CLDN16: variants seen among roughly 807,000 people sequenced by gnomAD.
The protein encoded by CLDN16 is claudin-16.
In CLDN16, 13 loss-of-function variants were observed where a neutral mutation model predicts 24.6. The ratio of observed to expected loss-of-function variants is 0.53; its 90% CI spans 0.34 to 0.84. The LOEUF is 0.84. Ranked by LOEUF, CLDN16 falls within the 40% of genes least tolerant of loss-of-function variation. The pLI is 0.01. For missense variants in CLDN16, 298 were observed against 292.7 expected (o/e 1.02, Z -0.13); for synonymous variants, 116 against 106.7 (o/e 1.09, Z -0.54).
intron 1 of CLDN16, among the ~76,000 whole-genome samples, chr3:190,366,984 C>T (rs1015070141): frequency 1.3e-5 from 2 of 151,914 alleles, no homozygotes; most frequent in Admixed American, 6.6e-5. Context: ...CCCAAAGCAG[C>T]ATGTGGGAGT....
chr3:190,322,429 A>C, upstream of CLDN16: 4 of 587,096 alleles, frequency 6.8e-6, no homozygotes, highest in Non-Finnish European at 1.2e-5. Context: ...GGTTGCTCCC[A>C]GGCTCGGGAA....
chr3:190,322,430 G>A (rs1469688598), upstream of CLDN16: 1 of 587,630 alleles, frequency 1.7e-6, no homozygotes, highest in Non-Finnish European at 3.0e-6. Flanking sequence ...GTTGCTCCCA[G>A]GCTCGGGAAC....
chr3:190,396,658 A>G (rs1718827810), intron 1 of CLDN16, among the ~76,000 whole-genome samples: 1 of 152,210 alleles, frequency 6.6e-6, no homozygotes, highest in South Asian at 2.1e-4. Context: ...ATATAGTTTG[A>G]AGAATAACAG....
At chr3:190,316,054 G>A in the CLDN16 span, among the ~76,000 whole-genome samples, 5 of 152,156 alleles carry the variant, frequency 3.3e-5, no homozygotes, top group Admixed American at 6.5e-5. Context: ...TCTACAAAGT[G>A]TTCTTTCCAA....
the CLDN16 span, chr3:190,308,163 A>G: frequency 8.1e-7 from 1 of 1,234,394 alleles, no homozygotes; most frequent in Non-Finnish European, 1.2e-6. Flanking sequence ...TTTGTTTTGT[A>G]ATACCATACT....
At chr3:190,330,126 A>C (rs1433621170) in intron 1 of CLDN16, among the ~76,000 whole-genome samples, 1 of 152,130 alleles carries the variant, frequency 6.6e-6, no homozygotes, top group Non-Finnish European at 1.5e-5. Flanking sequence ...AATGTTTCCA[A>C]AATTGAGAAT....
chr3:190,302,449 A>G, the CLDN16 span, among the ~76,000 whole-genome samples: 4 of 152,168 alleles, frequency 2.6e-5, no homozygotes, highest in Non-Finnish European at 5.9e-5. Flanking sequence ...TTATTGCAGA[A>G]AATATACTGC....
At chr3:190,344,039 C>A (rs116017042) in intron 1 of CLDN16, among the ~76,000 whole-genome samples, 5,949 of 152,014 alleles carry the variant, frequency 0.039, 388 homozygotes, top group African/African-American at 0.13. Context: ...CTGCAGCAAT[C>A]ATTTTACTAT....
At chr3:190,313,212 G>C in the CLDN16 span, 1 of 626,252 alleles carries the variant, frequency 1.6e-6, no homozygotes, top group South Asian at 2.0e-5. Context: ...ATCTTCTCCA[G>C]AAAAACAAAT....
intron 3 of CLDN16, among the ~76,000 whole-genome samples, chr3:190,376,867 G>T (rs1718259444): frequency 6.6e-6 from 1 of 151,916 alleles, no homozygotes. Flanking sequence ...TTTAAGAAAT[G>T]GCAATGCCTG....
At chr3:190,401,924 C>G (rs1304721292) in intron 1 of CLDN16, among the ~76,000 whole-genome samples, 4 of 151,884 alleles carry the variant, frequency 2.6e-5, no homozygotes, top group Admixed American at 6.6e-5. Flanking sequence ...TTAATAGACT[C>G]AAGGTGTCAA....
rs1717836088 is a variant in CLDN16 at position 190,359,086 on chromosome 3, A to G, written n.122-11807A>G. On this transcript the variant is annotated intron_variant and non_coding_transcript_variant, in intron 1 of 4. Transcript: ENST00000468220. Reference sequence around the variant, plus strand: ...TAATAAACTTTTCTTATAACACAGTATGATTTGTAATCAGGGCATTTGTTT... The same window carrying G: ...TAATAAACTTTTCTTATAACACAGTGTGATTTGTAATCAGGGCATTTGTTT... 2.0e-5 allele frequency among the ~76,000 whole-genome samples: 3 copies of G among 152,182 alleles called. No individual in the cohort carries two copies. In the South Asian group the frequency reaches 6.2e-4, roughly 32 times the overall value.
intron 2 of CLDN16, among the ~76,000 whole-genome samples, chr3:190,373,069 CTG>C (rs1323094493): frequency 6.6e-6 from 1 of 152,026 alleles, no homozygotes; most frequent in Non-Finnish European, 1.5e-5. Flanking sequence ...CCTACCTGCT[CTG>C]TCTCTCAGGT....
Position 190,408,345 on chromosome 3 carries a change from T to A in CLDN16, c.414T>A (p.Tyr138Ter). ...GTPGIIGSVW[Y>*]AVDVYVERST... ...CAGGAATCATTGGCTCTGTGTGGTA[T>A]GCTGTTGATGTGTATGTGGAACGTT... The change falls in exon 4 of 5, where the codon TAT (tyrosine) becomes TAA (stop). Residue 138 changes from tyrosine (Y) to a stop codon, truncating the protein, a stop_gained. Coordinates refer to ENST00000264734, the MANE Select transcript of CLDN16 (RefSeq NM_006580.4). LOFTEE classifies it high-confidence loss of function. 1.2e-6 allele frequency: 2 copies of A among 1,614,194 alleles called. No individual in the cohort carries two copies. Among genetic ancestry groups the A allele is most frequent in the Non-Finnish European group, 1.7e-6 (2 of 1,180,020 alleles).
At chr3:190,294,411 T>G in the CLDN16 span, among the ~76,000 whole-genome samples, 1 of 152,188 alleles carries the variant, frequency 6.6e-6, no homozygotes, top group Non-Finnish European at 1.5e-5. Flanking sequence ...AGACAATGTA[T>G]TAATAGTCAA....
chr3:190,298,950 T>A, the CLDN16 span, among the ~76,000 whole-genome samples: 1 of 152,156 alleles, frequency 6.6e-6, no homozygotes, highest in Admixed American at 6.5e-5. Flanking sequence ...CATATAAGAG[T>A]TTCTCAAAAA....
chr3:190,300,499 G>T, the CLDN16 span, among the ~76,000 whole-genome samples: 2 of 152,166 alleles, frequency 1.3e-5, no homozygotes, highest in Admixed American at 6.5e-5. Context: ...TCCACAGCCT[G>T]TTTTTTGTAT....
intron 1 of CLDN16, 102 bp from the exon 2 acceptor site, chr3:190,402,231 CACTT>C: frequency 1.2e-6 from 1 of 831,538 alleles, no homozygotes. Flanking sequence ...CATGTGTAAC[CACTT>C]ACTTTGCTAT....
chr3:190,307,889 C>A, the CLDN16 span: 1 of 164,316 alleles, frequency 6.1e-6, no homozygotes, highest in Non-Finnish European at 1.3e-5. Flanking sequence ...ATACATTTAC[C>A]TATTTTAGAG....
Sources: allele counts gnomAD v4.1 joint callset (sites outside exome capture counted in the v4.1 genomes callset), GRCh38; gene constraint gnomAD v4.1.1; transcripts MANE v1.5; gene names NCBI Gene and HGNC (gene_info 2026-07-23, HGNC 2026-07-21).